Variants in SPPL2B observed in about 807,000 individuals in gnomAD.
The protein encoded by SPPL2B is signal peptide peptidase-like 2B.
In SPPL2B, 39 loss-of-function variants were observed where a neutral mutation model predicts 59.7. That is an observed-to-expected ratio of 0.65 (90% CI 0.51 to 0.85). The LOEUF (loss-of-function observed/expected upper bound fraction) is 0.85, where lower values mean the gene tolerates loss of function less well. Ranked by LOEUF, SPPL2B falls within the 40% of genes least tolerant of loss-of-function variation. The pLI is 0.00. For synonymous variants in SPPL2B, 419 were observed against 370.8 expected (o/e 1.13, Z -1.49); for missense variants, 865 against 849.0 (o/e 1.02, Z -0.23).
chr19:2,343,822 C>T (rs192719322), intron 9 of SPPL2B, 143 bp from the exon 10 acceptor site: 25 of 632,698 alleles, frequency 4.0e-5, no homozygotes, highest in South Asian at 5.5e-5. Flanking sequence ...GCTCCTCCTG[C>T]GTGGTGCGTC....
intron 8 of SPPL2B, chr19:2,342,909 G>A (rs1164456610): frequency 5.3e-6 from 2 of 378,712 alleles, no homozygotes; most frequent in Non-Finnish European, 1.0e-5. Flanking sequence ...TGGGGACAGC[G>A]ACCGAGGAGA....
chr19:2,349,379 C>T (rs1174400021), intron 13 of SPPL2B, among the ~76,000 whole-genome samples: 7 of 87,038 alleles, frequency 8.0e-5, no homozygotes, highest in Admixed American at 1.2e-4. Flanking sequence ...CGCCTGATTC[C>T]GTTCTCTCTC....
rs201440608 is a variant in SPPL2B, at chr19:2,339,885, G to C, written c.661G>C (p.Val221Leu). The part of the protein sequence containing the change: ...PEKQEDEAVD[V>L]TPVMTCVFVV... The stretch of plus-strand genomic sequence containing the variant: ...GAAGCAGGAGGACGAGGCGGTGGAC[G>C]TGACGCCGGTGATGACCTGCGTGTT... The change falls in exon 6 of 15, where the codon GTG (valine) becomes CTG (leucine). Residue 221 changes from valine to leucine, a missense_variant. Physicochemically the swap from Val to Leu is conservative, Grantham distance 32. Transcript: ENST00000613503. 6.3e-7 allele frequency: 1 copy of C among 1,591,666 alleles called. No individual in the cohort carries two copies. The highest frequency in any genetic ancestry group is 1.8e-5 in the Admixed American group (1 of 56,386).
In SPPL2B at chr19:2,332,063, T is replaced by C. The variant is rs1968318962; in HGVS notation, c.67-2539T>C. On this transcript the variant is annotated intron_variant, in intron 1 of 14. Transcript: ENST00000613503. The surrounding 1 kb of genome is among the most constrained non-coding windows in gnomAD (Gnocchi z 4.6). ...GTGCTCTCACGGGCAGGCAGTCTGG[T>C]GGGCAGAACTGGAAAGAAAGGGCTC... Among the ~76,000 whole-genome samples the C allele has an allele frequency of 1.3e-5, 2 of 152,124 alleles. No individual in the cohort carries two copies. Among genetic ancestry groups the C allele is most frequent in the African/African-American group, 4.8e-5 (2 of 41,424 alleles).
intron 12 of SPPL2B, 72 bp downstream of exon 12, chr19:2,344,724 G>C: frequency 4.2e-6 from 4 of 942,540 alleles, no homozygotes; most frequent in Non-Finnish European, 6.8e-6. Context: ...TTTGCCTTTG[G>C]GAGTGAGTGG....
At chr19:2,335,382 T>C (rs1285402959) in intron 2 of SPPL2B, among the ~76,000 whole-genome samples, 10 of 105,752 alleles carry the variant, frequency 9.5e-5, no homozygotes, top group Admixed American at 2.9e-4. Flanking sequence ...CACTGCATCC[T>C]TCAGGCCCCG....
chr19:2,339,704 C>A (rs1243192988), intron 5 of SPPL2B, 120 bp from the exon 6 acceptor site: 1 of 1,213,950 alleles, frequency 8.2e-7, no homozygotes, highest in Non-Finnish European at 1.2e-6. Flanking sequence ...ACTTCAGTCC[C>A]CCCCGGGTCC....
At chr19:2,345,825 G>A (rs1452778293) in intron 13 of SPPL2B, among the ~76,000 whole-genome samples, 1 of 145,058 alleles carries the variant, frequency 6.9e-6, no homozygotes, top group African/African-American at 2.6e-5. Flanking sequence ...CCCTGGGTCC[G>A]TGCCTCCGTC....
chr19:2,345,398 C>A, intron 13 of SPPL2B, 68 bp downstream of exon 13: 1 of 1,331,588 alleles, frequency 7.5e-7, no homozygotes, highest in Non-Finnish European at 1.1e-6. Context: ...AGCCTCTGTC[C>A]TGACCCTGAC....
At chr19:2,344,477 G>C (rs1046433012) in intron 11 of SPPL2B, 53 bp downstream of exon 11, 3 of 1,564,144 alleles carry the variant, frequency 1.9e-6, no homozygotes, top group Admixed American at 3.7e-5. Flanking sequence ...GGTGTTGCGC[G>C]GAGCGGATAG....
At position 2,340,183 on chromosome 19, in the gene SPPL2B, C is replaced by T. The variant is rs587603350; in HGVS notation, c.839+11C>T. On this transcript the variant is annotated intron_variant, in intron 7 of 14. Coordinates refer to ENST00000613503, the MANE Select transcript of SPPL2B (RefSeq NM_152988.3). ...CTTCGGCAAGTGCAGGTGAGTCTGC[C>T]CTGCTGGCCCCGACGTGCCTGACTC... 2 of 1,542,454 alleles carry T rather than the reference C, an allele frequency of 1.3e-6. No individual in the cohort carries two copies. Among genetic ancestry groups the T allele is most frequent in the South Asian group, 1.2e-5 (1 of 83,058 alleles).
chr19:2,350,185 TTCTC>T (rs139185415), intron 13 of SPPL2B, among the ~76,000 whole-genome samples: 1 of 111,924 alleles, frequency 8.9e-6, no homozygotes, highest in Non-Finnish European at 1.8e-5. Flanking sequence ...CTTGATTCCG[TTCTC>T]TCTCCACACA....
At chr19:2,348,310 C>T (rs1279579371) in intron 13 of SPPL2B, among the ~76,000 whole-genome samples, 5 of 112,360 alleles carry the variant, frequency 4.4e-5, no homozygotes, top group African/African-American at 1.4e-4. Flanking sequence ...CACACACTCG[C>T]GCTCTCATTC....
At chr19:2,340,477 TC>T in intron 7 of SPPL2B, 2 of 610,076 alleles carry the variant, frequency 3.3e-6, no homozygotes, top group Admixed American at 2.5e-5. Context: ...CCCAGAAGGT[TC>T]CCCACAGCCC....
chr19:2,339,432 G>GTGGA (rs1228569221), intron 5 of SPPL2B, among the ~76,000 whole-genome samples: 1 of 152,226 alleles, frequency 6.6e-6, no homozygotes, highest in African/African-American at 2.4e-5. Flanking sequence ...CTGGGCAGGT[G>GTGGA]TGGATGTGGC....
In SPPL2B at chr19:2,347,301, CCT is replaced by C. The variant is rs1324800380; in HGVS notation, c.1354+1972_1354+1973del. 3.8e-4 allele frequency among the ~76,000 whole-genome samples: 41 copies of C among 108,426 alleles called. 1 individual carries two copies. The highest frequency in any genetic ancestry group is 4.5e-4 in the Non-Finnish European group (23 of 51,106). 71.1% of individuals were successfully genotyped at this position (108,426 alleles called of 152,430 possible). On this transcript the variant is annotated intron_variant, in intron 13 of 14. Transcript: ENST00000613503. Reference sequence around the variant, plus strand: ...ACTCTCATTCGCCTGATTCCGTTCTCCTTCTCTCCACACACACTCACGCGCTC... The same window carrying C: ...ACTCTCATTCGCCTGATTCCGTTCTCTCTCTCCACACACACTCACGCGCTC...
chr19:2,334,212 G>C (rs1017649495), intron 1 of SPPL2B, among the ~76,000 whole-genome samples: 1 of 152,236 alleles, frequency 6.6e-6, no homozygotes, highest in Admixed American at 6.5e-5. Flanking sequence ...CTGGGGCCCT[G>C]CCCTGCTTCC....
chr19:2,344,135 C>T (rs1490347641), intron 10 of SPPL2B, 96 bp downstream of exon 10: 39 of 604,032 alleles, frequency 6.5e-5, no homozygotes, highest in East Asian at 3.9e-4. Context: ...CCCGCCCCCT[C>T]GTCCCGCCCC....
chr19:2,337,368 G>A (rs1194543762), intron 2 of SPPL2B, 75 bp from the exon 3 acceptor site: 1 of 1,398,630 alleles, frequency 7.1e-7, no homozygotes, highest in Non-Finnish European at 9.8e-7. Flanking sequence ...GCAGGCTTCA[G>A]GTGGGAGAAC....
Sources: gnomAD v4.1 joint callset for allele counts (sites outside exome capture counted in the v4.1 genomes callset) on GRCh38, gnomAD v4.1.1 for gene constraint, Gnocchi (gnomAD v3.1) non-coding constraint, MANE v1.5 for transcripts, NCBI Gene and HGNC (gene_info 2026-07-23, HGNC 2026-07-21) for gene names.